The following SMURF1 variants were observed in gnomAD, a reference collection of about 807,000 sequenced individuals.
SMURF1 encodes the protein SMAD specific E3 ubiquitin protein ligase 1, also known as E3 ubiquitin-protein ligase SMURF1.
In SMURF1, 44 loss-of-function variants were observed where a neutral mutation model predicts 98.0. That is an observed-to-expected ratio of 0.45 (90% CI 0.35 to 0.58). The LOEUF is 0.58. Ranked by LOEUF, SMURF1 falls within the 20% of genes least tolerant of loss-of-function variation. The pLI, the probability that SMURF1 is intolerant of heterozygous loss-of-function variation, is 0.00. For synonymous variants in SMURF1, 396 were observed against 374.9 expected (o/e 1.06, Z -0.65); for missense variants, 687 against 938.4 (o/e 0.73, Z 3.50).
In SMURF1 at chr7:99,034,809, C is replaced by T. The variant is rs143187553; in HGVS notation, c.2011+706G>A. 1.8e-4 allele frequency among the ~76,000 whole-genome samples: 28 copies of T among 152,236 alleles called. No individual in the cohort carries two copies. The East Asian group carries it at 5.0e-3, about 27-fold the overall frequency. ...ATGCAGGTGCCCTGATGGCCAAAGC[C>T]GACTGAAATGGAATTAACCTCATTT... On this transcript the variant is annotated intron_variant, in intron 16 of 17. Transcript: ENST00000361368.
Position 99,039,771 on chromosome 7 carries a change from C to T in SMURF1, c.1550+607G>A, listed in dbSNP as rs113987755. On this transcript the variant is annotated intron_variant, in intron 13 of 17. Transcript: ENST00000361368. ...CCCCGACTCCGACTCACCCACATTC[C>T]CTCCATCTGTCAGAGCCTGATGTTT... 3.9e-3 allele frequency among the ~76,000 whole-genome samples: 591 copies of T among 152,304 alleles called. 2 individuals carry two copies. The highest frequency in any genetic ancestry group is 0.012 in the African/African-American group (518 of 41,576).
At chr7:99,060,755 C>G in intron 2 of SMURF1, 48 bp from the exon 3 acceptor site, 1 of 1,224,524 alleles carries the variant, frequency 8.2e-7, no homozygotes, top group Non-Finnish European at 1.2e-6. Flanking sequence ...CACATCCATC[C>G]ATGTGACACA....
At chr7:99,069,308 G>C (rs1199363007) in intron 1 of SMURF1, among the ~76,000 whole-genome samples, 4 of 152,120 alleles carry the variant, frequency 2.6e-5, no homozygotes, top group Non-Finnish European at 5.9e-5. Flanking sequence ...AGGTGGCTTT[G>C]TTCCCCAGCT....
intron 10 of SMURF1, among the ~76,000 whole-genome samples, chr7:99,046,792 A>G (rs555193525): frequency 1.8e-4 from 28 of 151,742 alleles, no homozygotes; most frequent in Middle Eastern, 3.5e-3. Flanking sequence ...AGAGGGAAAG[A>G]GGAAACGAGC....
chr7:99,143,685 AG>A, intron 1 of SMURF1, 40 bp downstream of exon 1: 3 of 1,485,892 alleles, frequency 2.0e-6, no homozygotes, highest in South Asian at 1.2e-5. Flanking sequence ...GGGGCGGGCG[AG>A]GGGGCGCCGG....
intron 1 of SMURF1, among the ~76,000 whole-genome samples, chr7:99,126,013 T>C (rs1797736363): frequency 6.6e-6 from 1 of 152,184 alleles, no homozygotes; most frequent in African/African-American, 2.4e-5. Context: ...CACCCAGATC[T>C]TTCTAGAGCC....
intron 3 of SMURF1, among the ~76,000 whole-genome samples, chr7:99,059,259 G>A (rs1449062924): frequency 4.7e-5 from 7 of 148,760 alleles, no homozygotes; most frequent in East Asian, 2.0e-4. Flanking sequence ...ATAGCCGGGC[G>A]TAGTGGCGGG....
At chr7:99,107,857 A>G (rs959743123) in intron 1 of SMURF1, among the ~76,000 whole-genome samples, 2 of 152,166 alleles carry the variant, frequency 1.3e-5, no homozygotes, top group Admixed American at 1.3e-4. Context: ...GAGACATCTT[A>G]TTGTTCACCT....
At chr7:99,031,860 G>T (rs1469533459) in intron 17 of SMURF1, among the ~76,000 whole-genome samples, 1 of 152,210 alleles carries the variant, frequency 6.6e-6, no homozygotes, top group Non-Finnish European at 1.5e-5. Flanking sequence ...GCAGCATCTA[G>T]AACTGGTTCC....
chr7:99,085,079 G>A (rs1046674855), intron 1 of SMURF1, among the ~76,000 whole-genome samples: 8 of 152,046 alleles, frequency 5.3e-5, no homozygotes, highest in South Asian at 2.1e-4. Context: ...GGCCGGGCAC[G>A]GTGGCTCACA....
At chr7:99,032,990 C>T (rs1794971216) in intron 17 of SMURF1, 47 bp downstream of exon 17, 1 of 1,571,492 alleles carries the variant, frequency 6.4e-7, no homozygotes, top group Admixed American at 1.8e-5. Context: ...ACGTCAGCAT[C>T]CTCTGGGGCT....
intron 1 of SMURF1, among the ~76,000 whole-genome samples, chr7:99,103,625 A>AT (rs1563029810): frequency 6.6e-6 from 1 of 152,194 alleles, no homozygotes; most frequent in Non-Finnish European, 1.5e-5. Context: ...AATCTTAAAA[A>AT]GCTTCACAGA....
chr7:99,134,638 G>C (rs1797946705), intron 1 of SMURF1, among the ~76,000 whole-genome samples: 2 of 152,138 alleles, frequency 1.3e-5, no homozygotes, highest in African/African-American at 4.8e-5. Flanking sequence ...CCTTAAAAAA[G>C]TTCATGGCAA....
chr7:99,039,010 G>A (rs915288685), intron 13 of SMURF1, among the ~76,000 whole-genome samples: 16 of 151,806 alleles, frequency 1.1e-4, no homozygotes, highest in Non-Finnish European at 2.2e-4. Context: ...TGGCCAACAT[G>A]GTGAAACCCC....
chr7:99,057,387 A>G (rs776966594), intron 4 of SMURF1, 31 bp downstream of exon 4: 1 of 1,612,234 alleles, frequency 6.2e-7, no homozygotes, highest in Non-Finnish European at 8.5e-7. Context: ...CTTTGGTTGC[A>G]TTAAGAGGCA....
At chr7:99,037,270 C>G in intron 14 of SMURF1, 83 bp from the exon 15 acceptor site, 2 of 1,565,054 alleles carry the variant, frequency 1.3e-6, no homozygotes, top group Middle Eastern at 2.2e-4. Flanking sequence ...CAGGGTCTCA[C>G]TCTGTCACCC....
intron 17 of SMURF1, 140 bp from the exon 18 acceptor site, chr7:99,030,823 T>C: frequency 1.7e-6 from 1 of 585,082 alleles, no homozygotes; most frequent in Non-Finnish European, 3.0e-6. Flanking sequence ...GAGTTCTCCA[T>C]GTCCCCTGTG....
chr7:99,071,916 A>C (rs993472002), intron 1 of SMURF1, among the ~76,000 whole-genome samples: 1 of 151,980 alleles, frequency 6.6e-6, no homozygotes, highest in Non-Finnish European at 1.5e-5. Context: ...ATCTTAAAAA[A>C]AAAAAAATAG....
At chr7:99,127,045 A>G (rs1325150047) in intron 1 of SMURF1, among the ~76,000 whole-genome samples, 1 of 152,210 alleles carries the variant, frequency 6.6e-6, no homozygotes, top group Non-Finnish European at 1.5e-5. Context: ...CCACCACATG[A>G]CACACAGCTT....
Sources: allele counts gnomAD v4.1 joint callset (sites outside exome capture counted in the v4.1 genomes callset), GRCh38; gene constraint gnomAD v4.1.1; transcripts MANE v1.5; gene names NCBI Gene and HGNC (gene_info 2026-07-23, HGNC 2026-07-21).